The following CACNA2D3 variants were observed in gnomAD, a reference collection of about 807,000 sequenced individuals.
The protein encoded by CACNA2D3 is voltage-dependent calcium channel subunit alpha-2/delta-3.
CACNA2D3 carries 60 observed loss-of-function variants against 160.6 expected under a neutral mutation model. The observed-to-expected ratio is 0.37, with a 90% CI of 0.30 to 0.46. The LOEUF is 0.46. CACNA2D3 is among the 20% of genes least tolerant of loss of function. The pLI, the probability that CACNA2D3 is intolerant of heterozygous loss-of-function variation, is 1.00. For synonymous variants in CACNA2D3, 558 were observed against 492.9 expected, an observed-to-expected ratio of 1.13 and a Z score of -1.75; for missense variants, 1,205 against 1,365.0, an observed-to-expected ratio of 0.88 and a Z score of 1.85.
At chr3:54,792,018 G>C (rs923529765) in intron 13 of CACNA2D3, among the ~76,000 whole-genome samples, 25 of 152,108 alleles carry the variant, frequency 1.6e-4, no homozygotes, top group Non-Finnish European at 1.8e-4. Context: ...CATTCACTAT[G>C]GTAAAGAGGC....
At chr3:54,376,838 C>T (rs1008128967) in intron 3 of CACNA2D3, among the ~76,000 whole-genome samples, 7 of 152,024 alleles carry the variant, frequency 4.6e-5, no homozygotes, top group African/African-American at 7.2e-5. Context: ...TGGACCAACA[C>T]GATATATTCC....
chr3:54,493,205 A>G (rs1357195065), intron 4 of CACNA2D3, among the ~76,000 whole-genome samples: 1 of 150,052 alleles, frequency 6.7e-6, no homozygotes, highest in Admixed American at 6.7e-5. Flanking sequence ...AGCCTCCCGC[A>G]TAGCTGGGAC....
intron 35 of CACNA2D3, among the ~76,000 whole-genome samples, chr3:55,065,722 GGGAAGGAAA>G (rs140176259): frequency 0.02 from 3,044 of 151,072 alleles, 111 homozygotes; most frequent in African/African-American, 0.07. Context: ...GTGGGGGGAA[GGGAAGGAAA>G]GGAAGGAAAG....
At chr3:54,985,382 G>T (rs1319857469) in intron 30 of CACNA2D3, among the ~76,000 whole-genome samples, 1 of 152,136 alleles carries the variant, frequency 6.6e-6, no homozygotes, top group East Asian at 1.9e-4. Context: ...CAAATTTTCT[G>T]CATTAAAACT....
At chr3:55,039,083 G>C (rs1265794816) in intron 35 of CACNA2D3, among the ~76,000 whole-genome samples, 4 of 151,808 alleles carry the variant, frequency 2.6e-5, no homozygotes, top group African/African-American at 9.7e-5. Context: ...CAGAAAGGAA[G>C]CACATGTTGG....
chr3:54,511,877 C>G (rs1160736605), intron 5 of CACNA2D3, among the ~76,000 whole-genome samples: 1 of 152,318 alleles, frequency 6.6e-6, no homozygotes, highest in Admixed American at 6.5e-5. Flanking sequence ...CAGGATCAAG[C>G]ACTTGCTTTC....
chr3:54,153,781 G>C (rs1211786340), intron 2 of CACNA2D3, among the ~76,000 whole-genome samples: 1 of 152,156 alleles, frequency 6.6e-6, no homozygotes, highest in Admixed American at 6.5e-5. Context: ...TTAAATGGAA[G>C]TTCCAACCCA....
chr3:54,804,758 G>A (rs1020964427), intron 13 of CACNA2D3, among the ~76,000 whole-genome samples: 29 of 152,134 alleles, frequency 1.9e-4, no homozygotes, highest in Non-Finnish European at 3.5e-4. Context: ...ATTTTTTGCA[G>A]CACCACACCA....
chr3:54,725,655 C>T (rs186024357), intron 11 of CACNA2D3, among the ~76,000 whole-genome samples: 1 of 152,116 alleles, frequency 6.6e-6, no homozygotes, highest in Non-Finnish European at 1.5e-5. Context: ...AAACCAATCA[C>T]AAAAACCACA....
At chr3:54,364,586 A>T (rs1170404054) in intron 3 of CACNA2D3, among the ~76,000 whole-genome samples, 2 of 152,210 alleles carry the variant, frequency 1.3e-5, no homozygotes, top group East Asian at 3.8e-4. Context: ...AGCCTAAAAA[A>T]ATTGTGAACA....
At chr3:54,590,460 G>T (rs2106754486) in intron 9 of CACNA2D3, among the ~76,000 whole-genome samples, 1 of 152,186 alleles carries the variant, frequency 6.6e-6, no homozygotes, top group African/African-American at 2.4e-5. Context: ...ATTATAAAAG[G>T]GTAACATGAG....
At chr3:54,648,184 C>T (rs1232710831) in intron 11 of CACNA2D3, among the ~76,000 whole-genome samples, 1 of 152,242 alleles carries the variant, frequency 6.6e-6, no homozygotes, top group Non-Finnish European at 1.5e-5. Flanking sequence ...TGTGCCAAAT[C>T]TGGCCCATTG....
At chr3:54,507,093 A>T (rs1372384622) in intron 5 of CACNA2D3, among the ~76,000 whole-genome samples, 1 of 152,136 alleles carries the variant, frequency 6.6e-6, no homozygotes, top group Non-Finnish European at 1.5e-5. Context: ...GTGTGTTTGT[A>T]AATATGTGAA....
At chr3:54,671,981 A>G (rs1294225213) in intron 11 of CACNA2D3, among the ~76,000 whole-genome samples, 1 of 152,190 alleles carries the variant, frequency 6.6e-6, no homozygotes, top group African/African-American at 2.4e-5. Context: ...CAAGGGAAAG[A>G]GTCTGCCCTT....
At chr3:54,700,347 C>T (rs1031983246) in intron 11 of CACNA2D3, among the ~76,000 whole-genome samples, 1 of 152,304 alleles carries the variant, frequency 6.6e-6, no homozygotes, top group African/African-American at 2.4e-5. Context: ...GGTGACTGAG[C>T]TGCCCAACAT....
At chr3:54,897,100 AG>A (rs1456012175) in intron 26 of CACNA2D3, 3 of 506,196 alleles carry the variant, frequency 5.9e-6, no homozygotes, top group African/African-American at 3.8e-5. Context: ...TATTTCAGGA[AG>A]CAGGGCTGAT....
chr3:54,157,428 C>T (rs917132807), intron 2 of CACNA2D3, among the ~76,000 whole-genome samples: 31 of 152,180 alleles, frequency 2.0e-4, no homozygotes, highest in Admixed American at 1.7e-3. Context: ...AGCCCCTGTG[C>T]TTGGATGACT....
chr3:54,565,078 G>T (rs867967865), intron 6 of CACNA2D3, among the ~76,000 whole-genome samples: 1 of 152,196 alleles, frequency 6.6e-6, no homozygotes, highest in South Asian at 2.1e-4. Context: ...ATCTGTCCCA[G>T]TAGCTTGGAT....
chr3:54,297,760 C>T (rs534225216), intron 2 of CACNA2D3, among the ~76,000 whole-genome samples: 1 of 151,224 alleles, frequency 6.6e-6, no homozygotes, highest in Non-Finnish European at 1.5e-5. Flanking sequence ...CACTAAGAAG[C>T]TTTCCTGACC....
Sources: allele counts gnomAD v4.1 joint callset (sites outside exome capture counted in the v4.1 genomes callset), GRCh38; gene constraint gnomAD v4.1.1; transcripts MANE v1.5; gene names NCBI Gene and HGNC (gene_info 2026-07-23, HGNC 2026-07-21).